The following TBPL1 variants were observed in gnomAD, a reference collection of about 807,000 sequenced individuals.
The protein encoded by TBPL1 is TATA box-binding protein-like 1.
Under a neutral mutation model 22.1 loss-of-function variants are expected in TBPL1, and 4 were observed. The ratio of observed to expected loss-of-function variants is 0.18; its 90% CI spans 0.09 to 0.41. The LOEUF (loss-of-function observed/expected upper bound fraction) is 0.41. TBPL1 is among the 10% of genes least tolerant of loss of function. The pLI is 1.00. For missense variants in TBPL1, 115 were observed against 222.3 expected (o/e 0.52, Z 3.07); for synonymous variants, 64 against 71.0 (o/e 0.90, Z 0.50).
rs185926772 is a variant in TBPL1, at chr6:133,963,768, C to T, written c.-45+10343C>T. 8.5e-3 allele frequency among the ~76,000 whole-genome samples: 1,296 copies of T among 151,822 alleles called. 39 individuals are homozygous for T. The highest frequency in any genetic ancestry group is 0.063 in the Admixed American group (963 of 15,278). On this transcript the variant is annotated intron_variant, in intron 1 of 6. Transcript: ENST00000237264. Reference sequence around the variant, plus strand: ...AGAACCGGCCTGGCGCGGTGGCTCACGCCTGTAATCCCAGCACTTTGGGAG... The same window carrying T: ...AGAACCGGCCTGGCGCGGTGGCTCATGCCTGTAATCCCAGCACTTTGGGAG...
At position 133,974,047 on chromosome 6, in the gene TBPL1, A is replaced by G. The variant is rs551409020; in HGVS notation, c.-44-6035A>G. Among the ~76,000 whole-genome samples the G allele has an allele frequency of 9.6e-4, 145 of 151,602 alleles. 2 individuals are homozygous for G. The highest frequency in any genetic ancestry group is 3.3e-3 in the African/African-American group (138 of 41,438). Reference sequence around the variant, plus strand: ...TCACCCTGCTGTGCCAATTCTCTGAATAGAACAGTTGTTAACATTTTGGCA... The same window carrying G: ...TCACCCTGCTGTGCCAATTCTCTGAGTAGAACAGTTGTTAACATTTTGGCA... On this transcript the variant is annotated intron_variant, in intron 1 of 6. Transcript: ENST00000237264.
rs1008358779 is a variant in TBPL1 at position 133,988,367 on chromosome 6, G to C, written c.*1327G>C. 1.1e-4 allele frequency: 17 copies of C among 152,182 alleles called. No homozygotes were observed. The highest frequency in any genetic ancestry group is 2.2e-4 in the Non-Finnish European group (15 of 68,024). 9.4% of individuals were successfully genotyped at this position (152,182 alleles called of 1,614,324 possible). ...TTAGGAGTTTAGTGTAACCAACAGTGATTATACCTAGAAATAAAGCTGAGT... is the reference window on the plus strand; with the variant it reads ...TTAGGAGTTTAGTGTAACCAACAGTCATTATACCTAGAAATAAAGCTGAGT... On this transcript the variant is annotated 3_prime_UTR_variant, in exon 7 of 7. Transcript: ENST00000237264.
intron 1 of TBPL1, chr6:133,968,934 T>G (rs1015588821): frequency 2.6e-5 from 4 of 152,252 alleles, no homozygotes; most frequent in African/African-American, 4.8e-5. Context: ...GTGCTGAGAT[T>G]ACAGGCGTGA....
intron 1 of TBPL1, among the ~76,000 whole-genome samples, chr6:133,978,611 A>G (rs569513379): frequency 5.9e-5 from 9 of 152,330 alleles, no homozygotes; most frequent in African/African-American, 2.2e-4. Flanking sequence ...AATAACAGAA[A>G]AACAAAAAGA....
intron 2 of TBPL1, 110 bp from the exon 3 acceptor site, chr6:133,982,458 G>T: frequency 1.2e-6 from 1 of 856,976 alleles, no homozygotes. Flanking sequence ...AGTTATTGCA[G>T]TCTTGGATAA....
chr6:133,955,425 C>T (rs191648741), intron 1 of TBPL1, among the ~76,000 whole-genome samples: 7 of 151,942 alleles, frequency 4.6e-5, no homozygotes, highest in Admixed American at 3.3e-4. Context: ...GTATCATTTC[C>T]GTTTCTTACA....
Position 133,980,138 on chromosome 6 carries a change from A to G in TBPL1, c.13A>G (p.Ser5Gly). Residue 5 changes from serine (S) to glycine (G), a missense_variant, in exon 2 of 7, where the codon AGT becomes GGT. By Grantham distance (56) the Ser-to-Gly change is moderately conservative (BLOSUM62 0). Coordinates refer to ENST00000237264, the MANE Select transcript of TBPL1 (RefSeq NM_004865.4). MDADSDVALDILITN... is the reference protein window; with the variant it reads MDADGDVALDILITN... ...TAAAACCACCCCAATGGATGCAGAC[A>G]GTGATGTTGCATTGGACATTCTAAT... The G allele has an allele frequency of 6.4e-7, 1 of 1,568,776 alleles. No homozygotes were observed. Among genetic ancestry groups the G allele is most frequent in the South Asian group, 1.2e-5 (1 of 82,166 alleles).
At chr6:133,983,379 C>G (rs985426505) in intron 4 of TBPL1, among the ~76,000 whole-genome samples, 2 of 152,148 alleles carry the variant, frequency 1.3e-5, no homozygotes, top group African/African-American at 4.8e-5. Context: ...TGCTAGGTCA[C>G]TTGCAAATGA....
chr6:133,959,565 T>A (rs764980005), intron 1 of TBPL1, among the ~76,000 whole-genome samples: 2 of 152,170 alleles, frequency 1.3e-5, no homozygotes, highest in African/African-American at 4.8e-5. Flanking sequence ...CACTGCAACC[T>A]CCATCTTCTG....
chr6:133,986,927 C>CT (rs1300169694), intron 6 of TBPL1, 34 bp from the exon 7 acceptor site: 1 of 1,495,042 alleles, frequency 6.7e-7, no homozygotes, highest in Non-Finnish European at 9.1e-7. Context: ...TTTTCCAACT[C>CT]TTCTCACTCC....
At chr6:133,974,780 G>A (rs552404664) in intron 1 of TBPL1, among the ~76,000 whole-genome samples, 7 of 152,234 alleles carry the variant, frequency 4.6e-5, no homozygotes, top group East Asian at 3.9e-4. Flanking sequence ...TTTCAACATC[G>A]TTTGATATTT....
At chr6:133,969,771 C>G (rs1460838151) in intron 1 of TBPL1, among the ~76,000 whole-genome samples, 9 of 152,202 alleles carry the variant, frequency 5.9e-5, no homozygotes, top group Admixed American at 5.9e-4. Context: ...ATCTAACTCT[C>G]TCCCATTACT....
chr6:133,965,567 A>G (rs1320453576), intron 1 of TBPL1, among the ~76,000 whole-genome samples: 4 of 147,692 alleles, frequency 2.7e-5, no homozygotes, highest in Non-Finnish European at 4.5e-5. Context: ...ATCAACAACT[A>G]TTTGCTTTGA....
In TBPL1 at chr6:133,983,550, G is replaced by T. The variant is rs146544116; in HGVS notation, c.282+670G>T. On this transcript the variant is annotated intron_variant, in intron 4 of 6. Coordinates refer to ENST00000237264, the MANE Select transcript of TBPL1 (RefSeq NM_004865.4). ...GTGATAGGAAGAGACTGAACGGCTG[G>T]TGGGGAGTGGGGGTTGGTGCTTGAG... 8.4e-3 allele frequency among the ~76,000 whole-genome samples: 1,281 copies of T among 152,262 alleles called. 38 individuals are homozygous for T. The highest frequency in any genetic ancestry group is 0.062 in the Admixed American group (947 of 15,290).
At chr6:133,971,554 C>G (rs1776221126) in intron 1 of TBPL1, among the ~76,000 whole-genome samples, 1 of 149,772 alleles carries the variant, frequency 6.7e-6, no homozygotes, top group Non-Finnish European at 1.5e-5. Context: ...TATTCCCTTT[C>G]CTTCACATCC....
chr6:133,976,549 C>G (rs889693563), intron 1 of TBPL1, among the ~76,000 whole-genome samples: 1 of 152,060 alleles, frequency 6.6e-6, no homozygotes, highest in African/African-American at 2.4e-5. Context: ...TTAATTTAAA[C>G]AAAGTGGTGA....
intron 6 of TBPL1, among the ~76,000 whole-genome samples, chr6:133,985,156 G>A (rs1776484924): frequency 6.6e-6 from 1 of 150,508 alleles, no homozygotes; most frequent in Non-Finnish European, 1.5e-5. Flanking sequence ...GTGAACGCCT[G>A]TAGTCCCAGC....
intron 1 of TBPL1, among the ~76,000 whole-genome samples, chr6:133,962,715 A>G (rs1219617608): frequency 1.3e-5 from 2 of 152,236 alleles, no homozygotes; most frequent in Non-Finnish European, 2.9e-5. Flanking sequence ...AAAGAGGAAA[A>G]GGATTTCAGG....
At position 133,985,291 on chromosome 6, in the gene TBPL1, AAAAAAAATATATATATATATATAT is replaced by A. The variant is rs1776489989; in HGVS notation, c.481+622_481+645del. Among the ~76,000 whole-genome samples the A allele has an allele frequency of 1.2e-4, 8 of 66,210 alleles. 1 individual carries two copies. The South Asian group carries it at 3.3e-3, about 28-fold the overall frequency. 43.4% of individuals were successfully genotyped at this position (66,210 alleles called of 152,430 possible). On this transcript the variant is annotated intron_variant, in intron 6 of 6. Coordinates refer to ENST00000237264, the MANE Select transcript of TBPL1 (RefSeq NM_004865.4). ...AGACTCTGTCTAAAAAAAAAAAAAAAAAAAAAATATATATATATATATATATATATATATATATATATATATACA... is the reference window on the plus strand; with the variant it reads ...AGACTCTGTCTAAAAAAAAAAAAAAAATATATATATATATATATATATACA...
Sources: allele counts gnomAD v4.1 joint callset (sites outside exome capture counted in the v4.1 genomes callset), GRCh38; gene constraint gnomAD v4.1.1; transcripts MANE v1.5; gene names NCBI Gene and HGNC (gene_info 2026-07-23, HGNC 2026-07-21).